IGF2BP3: variants seen among roughly 807,000 people sequenced by gnomAD.
IGF2BP3 encodes insulin-like growth factor 2 mRNA-binding protein 3.
Under a neutral mutation model 73.8 loss-of-function variants are expected in IGF2BP3, and 9 were observed. The observed-to-expected ratio is 0.12, with a 90% CI of 0.07 to 0.21. The LOEUF (loss-of-function observed/expected upper bound fraction) is 0.21. Ranked by LOEUF, IGF2BP3 falls within the 10% of genes least tolerant of loss-of-function variation. The pLI is 1.00. For missense variants in IGF2BP3, 542 were observed against 714.0 expected (o/e 0.76, Z 2.75); for synonymous variants, 258 against 256.7 (o/e 1.01, Z -0.05).
chr7:23,466,019 A>G (rs1475905483), intron 2 of IGF2BP3, among the ~76,000 whole-genome samples: 1 of 149,564 alleles, frequency 6.7e-6, no homozygotes, highest in East Asian at 1.9e-4. Flanking sequence ...AGGCAGAGAA[A>G]AAAGGTTTTT....
chr7:23,420,179 T>G (rs1787304702), intron 2 of IGF2BP3, among the ~76,000 whole-genome samples: 1 of 152,192 alleles, frequency 6.6e-6, no homozygotes, highest in Non-Finnish European at 1.5e-5. Flanking sequence ...TTACTTAACT[T>G]TCACAATTAG....
intron 2 of IGF2BP3, among the ~76,000 whole-genome samples, chr7:23,450,180 A>G (rs1456860241): frequency 6.6e-6 from 1 of 152,190 alleles, no homozygotes. Flanking sequence ...TCAATCCTTC[A>G]GTATACATCC....
intron 3 of IGF2BP3, among the ~76,000 whole-genome samples, chr7:23,404,507 A>G (rs144750503): frequency 3.2e-4 from 48 of 152,290 alleles, no homozygotes; most frequent in Non-Finnish European, 6.3e-4. Flanking sequence ...CAAGCTTTGA[A>G]AAGCATCATA....
intron 2 of IGF2BP3, among the ~76,000 whole-genome samples, chr7:23,421,021 G>A (rs533854970): frequency 6.5e-4 from 99 of 152,206 alleles, no homozygotes; most frequent in African/African-American, 2.3e-3. Context: ...TTTCTTTTGT[G>A]TGTGTGTGAC....
chr7:23,441,630 T>A (rs1318214882), intron 2 of IGF2BP3, among the ~76,000 whole-genome samples: 3 of 127,684 alleles, frequency 2.3e-5, no homozygotes, highest in Non-Finnish European at 5.1e-5. Flanking sequence ...ATTCTGTAGA[T>A]TTAGGGAAAA....
At chr7:23,326,204 TCAAA>T (rs1252398967) in intron 10 of IGF2BP3, among the ~76,000 whole-genome samples, 1 of 151,874 alleles carries the variant, frequency 6.6e-6, no homozygotes, top group Non-Finnish European at 1.5e-5. Flanking sequence ...TACAATGAAC[TCAAA>T]CAAATTTACA....
intron 2 of IGF2BP3, among the ~76,000 whole-genome samples, chr7:23,451,467 TA>T (rs1788195230): frequency 6.6e-6 from 1 of 151,392 alleles, no homozygotes; most frequent in Non-Finnish European, 1.5e-5. Context: ...ATGGGTTTTT[TA>T]TAAAACCCCT....
chr7:23,428,528 A>ATAT (rs1210714267), intron 2 of IGF2BP3, among the ~76,000 whole-genome samples: 1 of 146,504 alleles, frequency 6.8e-6, no homozygotes, highest in Non-Finnish European at 1.5e-5. Flanking sequence ...AGAAAAAAAA[A>ATAT]ATATATATAT....
chr7:23,334,670 C>G (rs1009754634), intron 10 of IGF2BP3, among the ~76,000 whole-genome samples: 1 of 152,224 alleles, frequency 6.6e-6, no homozygotes, highest in African/African-American at 2.4e-5. Context: ...AGATGCCTAT[C>G]GGCAAAACTT....
intron 3 of IGF2BP3, among the ~76,000 whole-genome samples, chr7:23,375,485 A>G (rs1785689384): frequency 6.6e-6 from 1 of 152,160 alleles, no homozygotes; most frequent in South Asian, 2.1e-4. Context: ...ACAAAATGCA[A>G]AGGCTAGAGA....
chr7:23,343,964 A>G (rs372472698), intron 8 of IGF2BP3, 111 bp from the exon 9 acceptor site: 2 of 1,024,680 alleles, frequency 2.0e-6, no homozygotes, highest in Non-Finnish European at 1.4e-6. Flanking sequence ...GGTAATATGT[A>G]AAAGTGGGTG....
intron 2 of IGF2BP3, among the ~76,000 whole-genome samples, chr7:23,439,544 G>C (rs1303732449): frequency 8.8e-6 from 1 of 113,880 alleles, no homozygotes; most frequent in Non-Finnish European, 1.7e-5. Flanking sequence ...GAGACAACGA[G>C]ACTCCGTCTC....
At chr7:23,454,599 C>T (rs773218982) in intron 2 of IGF2BP3, among the ~76,000 whole-genome samples, 3 of 152,124 alleles carry the variant, frequency 2.0e-5, no homozygotes, top group Admixed American at 6.6e-5. Flanking sequence ...GGTCTTATTA[C>T]CCTCATTTAC....
intron 12 of IGF2BP3, 60 bp downstream of exon 12, chr7:23,317,579 G>T: frequency 2.3e-6 from 3 of 1,295,992 alleles, no homozygotes; most frequent in Non-Finnish European, 2.2e-6. Context: ...GAGACGCCAG[G>T]TTATGGACTA....
chr7:23,371,940 C>T (rs189916946), intron 3 of IGF2BP3, among the ~76,000 whole-genome samples: 137 of 152,290 alleles, frequency 9.0e-4, no homozygotes, highest in Non-Finnish European at 1.4e-3. Flanking sequence ...GTGGAAAAAC[C>T]GAATCCAGAG....
chr7:23,401,973 C>T (rs553238938), intron 3 of IGF2BP3, among the ~76,000 whole-genome samples: 2 of 151,836 alleles, frequency 1.3e-5, no homozygotes, highest in African/African-American at 4.8e-5. Context: ...GAAAATTAGC[C>T]AGGCATGGTG....
chr7:23,465,531 C>G (rs1443532752), intron 2 of IGF2BP3, among the ~76,000 whole-genome samples: 3 of 148,304 alleles, frequency 2.0e-5, no homozygotes, highest in Non-Finnish European at 4.6e-5. Context: ...GGTCCCCCCC[C>G]AAGCTCCACT....
rs1554307857 is a variant in IGF2BP3 at position 23,312,187 on chromosome 7, A to G, written c.*175T>C. The stretch of plus-strand genomic sequence containing the variant: ...GGGTGTCATACATTTCAGAGAGCAT[A>G]AAGTATACATTCTCACAGAGACAGG... On this transcript the variant is annotated 3_prime_UTR_variant, in exon 15 of 15. Transcript: ENST00000258729. 5.2e-6 allele frequency: 3 copies of G among 578,030 alleles called. No homozygotes were observed. In the East Asian group the frequency reaches 8.3e-5, roughly 16 times the overall value. 35.8% of individuals were successfully genotyped at this position (578,030 alleles called of 1,614,324 possible).
chr7:23,380,066 T>C (rs143244020), intron 3 of IGF2BP3, among the ~76,000 whole-genome samples: 109 of 152,250 alleles, frequency 7.2e-4, no homozygotes, highest in Non-Finnish European at 1.2e-3. Flanking sequence ...AAAAGGCTAT[T>C]TCAAAATTAA....
Sources: gnomAD v4.1 joint callset for allele counts (sites outside exome capture counted in the v4.1 genomes callset) on GRCh38, gnomAD v4.1.1 for gene constraint, MANE v1.5 for transcripts, NCBI Gene and HGNC (gene_info 2026-07-23, HGNC 2026-07-21) for gene names.